Variants in GALNT17 observed in about 807,000 individuals in gnomAD.
GALNT17 encodes polypeptide N-acetylgalactosaminyltransferase 17, also known as UDP-GalNAc:polypeptide N-acetylgalactosaminyltransferase-like 3.
A neutral mutation model predicts 63.7 loss-of-function variants in GALNT17; 29 were observed. The ratio of observed to expected loss-of-function variants is 0.46; its 90% CI spans 0.34 to 0.62. The LOEUF (loss-of-function observed/expected upper bound fraction) is 0.62. GALNT17 is among the 20% of genes least tolerant of loss of function. GALNT17 has a pLI of 0.01. For synonymous variants in GALNT17, 305 were observed against 318.3 expected (o/e 0.96, Z 0.45); for missense variants, 603 against 799.6 (o/e 0.75, Z 2.97).
At chr7:71,688,888 C>T (rs1357232029) in intron 9 of GALNT17, among the ~76,000 whole-genome samples, 1 of 152,030 alleles carries the variant, frequency 6.6e-6, no homozygotes, top group Admixed American at 6.6e-5. Context: ...TTTCACAGAT[C>T]GAAGGGTTGT....
intron 1 of GALNT17, among the ~76,000 whole-genome samples, chr7:71,204,840 G>A (rs572404794): frequency 1.2e-4 from 18 of 152,122 alleles, no homozygotes; most frequent in African/African-American, 4.3e-4. Flanking sequence ...CTGCCTCCTG[G>A]GTTCAAGCAA....
chr7:71,244,097 G>T (rs1382929700), intron 1 of GALNT17, among the ~76,000 whole-genome samples: 2 of 152,202 alleles, frequency 1.3e-5, no homozygotes, highest in Non-Finnish European at 2.9e-5. Flanking sequence ...TAGCAGTTAA[G>T]AAGAGAGTGT....
intron 6 of GALNT17, among the ~76,000 whole-genome samples, chr7:71,587,569 CTGTT>C (rs1789738074): frequency 6.6e-6 from 1 of 151,838 alleles, no homozygotes; most frequent in Admixed American, 6.6e-5. Context: ...TGTGGCTTGT[CTGTT>C]CATTTTCTTA....
chr7:71,309,733 A>AATTTG (rs1193807240), intron 1 of GALNT17, among the ~76,000 whole-genome samples: 1 of 152,148 alleles, frequency 6.6e-6, no homozygotes, highest in East Asian at 1.9e-4. Context: ...AGTGGGGATG[A>AATTTG]ATTTGGGGTC....
intron 5 of GALNT17, among the ~76,000 whole-genome samples, chr7:71,439,043 A>G (rs751429118): frequency 2.6e-5 from 4 of 151,996 alleles, no homozygotes; most frequent in Non-Finnish European, 4.4e-5. Flanking sequence ...CACCACCACC[A>G]TGCCTGGCTA....
intron 5 of GALNT17, among the ~76,000 whole-genome samples, chr7:71,553,697 CA>C (rs1295383761): frequency 6.6e-6 from 1 of 152,206 alleles, no homozygotes; most frequent in Non-Finnish European, 1.5e-5. Context: ...AATAAGAATT[CA>C]ACTTGCTCTC....
At chr7:71,460,561 C>T (rs533856914) in intron 5 of GALNT17, among the ~76,000 whole-genome samples, 1 of 152,100 alleles carries the variant, frequency 6.6e-6, no homozygotes, top group South Asian at 2.1e-4. Flanking sequence ...TGATTCAGAC[C>T]CCAAGAGAGG....
chr7:71,329,612 C>CA (rs1229092286), intron 1 of GALNT17, among the ~76,000 whole-genome samples: 1 of 151,498 alleles, frequency 6.6e-6, no homozygotes, highest in East Asian at 1.9e-4. Context: ...TGGCAGAAGG[C>CA]GAAAGGGAAG....
At chr7:71,432,809 T>G (rs1283802981) in intron 5 of GALNT17, among the ~76,000 whole-genome samples, 1 of 152,068 alleles carries the variant, frequency 6.6e-6, no homozygotes, top group Non-Finnish European at 1.5e-5. Context: ...CTGTATTTCT[T>G]TTTGTTGTTG....
intron 6 of GALNT17, among the ~76,000 whole-genome samples, chr7:71,606,865 G>A (rs1790055326): frequency 6.6e-6 from 1 of 152,192 alleles, no homozygotes; most frequent in Non-Finnish European, 1.5e-5. Context: ...ATATATTCAA[G>A]AAGCCATATG....
intron 1 of GALNT17, among the ~76,000 whole-genome samples, chr7:71,306,866 C>T (rs893718061): frequency 2.0e-5 from 3 of 151,844 alleles, no homozygotes; most frequent in Non-Finnish European, 2.9e-5. Context: ...CTCTGTTGCC[C>T]AGGCTGGAGT....
At chr7:71,205,572 T>C (rs1256223831) in intron 1 of GALNT17, among the ~76,000 whole-genome samples, 1 of 152,144 alleles carries the variant, frequency 6.6e-6, no homozygotes, top group African/African-American at 2.4e-5. Context: ...ACAGGCACGC[T>C]CCACCACACG....
At chr7:71,704,038 G>A (rs968247652) in intron 9 of GALNT17, among the ~76,000 whole-genome samples, 5 of 152,180 alleles carry the variant, frequency 3.3e-5, no homozygotes, top group African/African-American at 1.2e-4. Context: ...CAAATGAAAA[G>A]ATGAGAAGGG....
chr7:71,570,424 T>A (rs1195902750), intron 5 of GALNT17, among the ~76,000 whole-genome samples: 1 of 152,152 alleles, frequency 6.6e-6, no homozygotes, highest in Non-Finnish European at 1.5e-5. Flanking sequence ...AGCCCTTGCT[T>A]GCAATCTTCC....
At chr7:71,543,988 T>C (rs1788936872) in intron 5 of GALNT17, among the ~76,000 whole-genome samples, 1 of 151,968 alleles carries the variant, frequency 6.6e-6, no homozygotes, top group Non-Finnish European at 1.5e-5. Context: ...AGACGGAGTT[T>C]CACCATGTTG....
chr7:71,511,552 T>C (rs1788355949), intron 5 of GALNT17, among the ~76,000 whole-genome samples: 1 of 152,188 alleles, frequency 6.6e-6, no homozygotes, highest in Non-Finnish European at 1.5e-5. Flanking sequence ...TCCAGCCCCA[T>C]GTGGCCCTTG....
intron 5 of GALNT17, among the ~76,000 whole-genome samples, chr7:71,533,817 C>G (rs563041021): frequency 5.3e-5 from 8 of 152,094 alleles, no homozygotes; most frequent in Non-Finnish European, 1.2e-4. Flanking sequence ...AGGCTGCTCC[C>G]AAATCCATCT....
intron 6 of GALNT17, among the ~76,000 whole-genome samples, chr7:71,636,289 G>A (rs1415294760): frequency 6.6e-6 from 1 of 152,196 alleles, no homozygotes; most frequent in Non-Finnish European, 1.5e-5. Flanking sequence ...TAGAAGCAGG[G>A]AGTGGGGGAC....
At chr7:71,496,347 AC>A (rs1788093577) in intron 5 of GALNT17, among the ~76,000 whole-genome samples, 1 of 151,352 alleles carries the variant, frequency 6.6e-6, no homozygotes, top group African/African-American at 2.4e-5. Context: ...GGGCTGTCTT[AC>A]TCTGGTGGGG....
Sources: allele counts gnomAD v4.1 joint callset (sites outside exome capture counted in the v4.1 genomes callset), GRCh38; gene constraint gnomAD v4.1.1; transcripts MANE v1.5; gene names NCBI Gene and HGNC (gene_info 2026-07-23, HGNC 2026-07-21).